The following CPT1A variants were observed in gnomAD, a reference collection of about 807,000 sequenced individuals.
The protein encoded by CPT1A is carnitine O-palmitoyltransferase 1, liver isoform.
Under a neutral mutation model 100.8 loss-of-function variants are expected in CPT1A, and 64 were observed. That is an observed-to-expected ratio of 0.63 (90% CI 0.52 to 0.78). The LOEUF is 0.78. Ranked by LOEUF, CPT1A falls within the 30% of genes least tolerant of loss-of-function variation. The pLI, the probability that CPT1A is intolerant of heterozygous loss-of-function variation, is 0.00. For synonymous variants in CPT1A, 363 were observed against 396.0 expected (o/e 0.92, Z 0.99); for missense variants, 802 against 1,034.1 (o/e 0.78, Z 3.08).
chr11:68,806,086 G>C (rs1856038584), intron 4 of CPT1A, among the ~76,000 whole-genome samples: 1 of 150,618 alleles, frequency 6.6e-6, no homozygotes, highest in South Asian at 2.1e-4. Context: ...CACAACCACA[G>C]CTCACTGCAG....
At chr11:68,761,410 C>T in intron 16 of CPT1A, 125 bp downstream of exon 16, 1 of 1,089,764 alleles carries the variant, frequency 9.2e-7, no homozygotes, top group Non-Finnish European at 1.4e-6. Flanking sequence ...ATGACAGCTA[C>T]ACCCACAGAC....
intron 12 of CPT1A, among the ~76,000 whole-genome samples, chr11:68,775,766 G>A (rs1385072827): frequency 1.3e-5 from 2 of 152,352 alleles, no homozygotes; most frequent in South Asian, 2.1e-4. Context: ...AAGCCCTGGT[G>A]ACAGCGCAGA....
At chr11:68,809,722 C>T (rs999804891) in intron 3 of CPT1A, among the ~76,000 whole-genome samples, 1 of 152,186 alleles carries the variant, frequency 6.6e-6, no homozygotes, top group Non-Finnish European at 1.5e-5. Flanking sequence ...GCCCTTAACC[C>T]GGCCTTTCTA....
At chr11:68,786,102 C>G in intron 9 of CPT1A, 1 of 701,330 alleles carries the variant, frequency 1.4e-6, no homozygotes, top group Non-Finnish European at 2.6e-6. Flanking sequence ...GTGGCTCACC[C>G]TGTATTCCCA....
chr11:68,787,515 G>A (rs1471385376), intron 9 of CPT1A, among the ~76,000 whole-genome samples: 1 of 151,812 alleles, frequency 6.6e-6, no homozygotes, highest in African/African-American at 2.4e-5. Context: ...GGCACAGGCT[G>A]AACTGTGTCC....
At chr11:68,838,044 G>A (rs186063835) in intron 1 of CPT1A, among the ~76,000 whole-genome samples, 5 of 152,112 alleles carry the variant, frequency 3.3e-5, no homozygotes, top group East Asian at 1.9e-4. Flanking sequence ...CAAACCACCC[G>A]CATCAGGAGT....
At chr11:68,840,154 C>T (rs1857123661) in intron 1 of CPT1A, among the ~76,000 whole-genome samples, 1 of 152,214 alleles carries the variant, frequency 6.6e-6, no homozygotes. Context: ...GAACCAGCTG[C>T]GAATGCTGAT....
Position 68,773,318 on chromosome 11 carries a change from G to C in CPT1A, c.1687C>G (p.Arg563Gly). 6.2e-7 allele frequency: 1 copy of C among 1,614,196 alleles called. No homozygotes were observed. Among genetic ancestry groups the C allele is most frequent in the Non-Finnish European group, 8.5e-7 (1 of 1,180,046 alleles). Residue 563 changes from arginine (R) to glycine (G), a missense_variant, in exon 14 of 19, where the codon CGC becomes GGC. Physicochemically the swap from Arg to Gly is moderately radical, Grantham distance 125. This residue lies in a region of CPT1A where 627 missense variants were observed against 799.3 expected (regional missense o/e 0.78). Transcript: ENST00000265641. ...TGCACAAAGGCGTCTGGGCTCGTGCGACATTTCTTGATGATTCCTTTACCA... is the reference window on the plus strand; with the variant it reads ...TGCACAAAGGCGTCTGGGCTCGTGCCACATTTCTTGATGATTCCTTTACCA... ...AFGKGIIKKC[R>G]TSPDAFVQLA...
chr11:68,843,801 G>A (rs556816147), upstream of CPT1A, among the ~76,000 whole-genome samples: 92 of 152,360 alleles, frequency 6.0e-4, no homozygotes, highest in Non-Finnish European at 1.0e-3. The surrounding 1 kb of genome is among the most constrained non-coding windows in gnomAD (Gnocchi z 4.0). Flanking sequence ...ACGCGCGGCT[G>A]CACCCCACGA....
chr11:68,789,760 A>C (rs1193626699), intron 9 of CPT1A, among the ~76,000 whole-genome samples: 15 of 152,086 alleles, frequency 9.9e-5, no homozygotes, highest in Admixed American at 9.8e-4. Context: ...TAACTCCTTA[A>C]ACATTTCTCC....
intron 9 of CPT1A, among the ~76,000 whole-genome samples, chr11:68,791,687 C>T (rs1301346632): frequency 1.3e-5 from 2 of 152,102 alleles, no homozygotes; most frequent in African/African-American, 4.8e-5. Context: ...CGGGTGCCCA[C>T]CACCATACCT....
rs1394202668 is a variant in CPT1A, at chr11:68,757,476, G to A, written c.*168C>T. 5 of 1,490,350 alleles carry A rather than the reference G, an allele frequency of 3.4e-6. No homozygotes were observed. Among genetic ancestry groups the A allele is most frequent in the Non-Finnish European group, 4.4e-6 (5 of 1,125,274 alleles). 92.3% of individuals were successfully genotyped at this position (1,490,350 alleles called of 1,614,324 possible). A position where few individuals can be genotyped will look rare whatever the true frequency, so the allele number is the denominator to read the frequency against. On this transcript the variant is annotated 3_prime_UTR_variant, in exon 19 of 19. Coordinates refer to ENST00000265641, the MANE Select transcript of CPT1A (RefSeq NM_001876.4). ...GGAAGTAGTGGGGTTATGCTTCACA[G>A]GGGAGAGATACTGTTCTAGGAAAAA...
At chr11:68,778,305 G>A (rs924456702) in intron 12 of CPT1A, among the ~76,000 whole-genome samples, 3 of 152,110 alleles carry the variant, frequency 2.0e-5, no homozygotes, top group African/African-American at 7.2e-5. Context: ...GACCTGACGG[G>A]GCCAGGAGCC....
chr11:68,777,813 A>G (rs529414976), intron 12 of CPT1A, among the ~76,000 whole-genome samples: 105 of 152,330 alleles, frequency 6.9e-4, no homozygotes, highest in Middle Eastern at 3.4e-3. Flanking sequence ...TCTTAGGCAT[A>G]TAGGACTCGG....
intron 1 of CPT1A, among the ~76,000 whole-genome samples, chr11:68,838,761 C>T (rs1857086346): frequency 6.6e-6 from 1 of 152,030 alleles, no homozygotes; most frequent in Non-Finnish European, 1.5e-5. Flanking sequence ...AGACAGGGGT[C>T]TGGCTCTGTT....
chr11:68,812,894 C>A (rs1383666104), intron 2 of CPT1A, among the ~76,000 whole-genome samples: 1 of 152,112 alleles, frequency 6.6e-6, no homozygotes, highest in African/African-American at 2.4e-5. Flanking sequence ...CACTGAGCCA[C>A]CATGACGTCC....
chr11:68,788,781 A>G (rs558569670), intron 9 of CPT1A, among the ~76,000 whole-genome samples: 4 of 152,300 alleles, frequency 2.6e-5, no homozygotes, highest in African/African-American at 9.6e-5. Context: ...TGTCCAGTTA[A>G]CATTTTAAAA....
rs1336474740 is a variant in CPT1A at position 68,838,573 on chromosome 11, A to T, written c.-14+3202T>A. The stretch of plus-strand genomic sequence containing the variant: ...CTCTACTCTGTATCTGCACCTTTTT[A>T]AAAAAAAAAAAAAAAAAACAGAGAC... On this transcript the variant is annotated intron_variant, in intron 1 of 18. Transcript: ENST00000265641. Among the ~76,000 whole-genome samples the T allele has an allele frequency of 6.4e-3, 727 of 112,852 alleles. 16 individuals carry two copies. The highest frequency in any genetic ancestry group is 0.033 in the African/African-American group (686 of 20,680). 74.0% of individuals were successfully genotyped at this position (112,852 alleles called of 152,430 possible).
rs764482477 is a variant in CPT1A, at chr11:68,762,654, C to T, written c.1848G>A (p.Val616=). 48 of 1,613,772 alleles carry T rather than the reference C, an allele frequency of 3.0e-5. No individual in the cohort carries two copies. The highest frequency in any genetic ancestry group is 1.2e-4 in the Admixed American group (7 of 59,984). ...RSCTTESCDF[V]RAMVDPAQTV... is the part of the protein sequence containing the mutation. ...TCTGGGCCGGGTCCACCATGGCCCG[C>T]ACGAAGTCGCATGACTCAGTGGTGC... Residue 616 remains valine, a synonymous_variant, in exon 15 of 19, where the codon GTG becomes GTA. Coordinates refer to ENST00000265641, the MANE Select transcript of CPT1A (RefSeq NM_001876.4).
Sources: allele counts gnomAD v4.1 joint callset (sites outside exome capture counted in the v4.1 genomes callset), GRCh38; gene constraint gnomAD v4.1.1; regional missense constraint gnomAD v4.1.1; non-coding constraint Gnocchi (gnomAD v3.1); transcripts MANE v1.5; gene names NCBI Gene and HGNC (gene_info 2026-07-23, HGNC 2026-07-21).